Variants in TMEM184B observed in about 807,000 individuals in gnomAD.
TMEM184B encodes putative MAPK-activating protein FM08.
In TMEM184B, 17 loss-of-function variants were observed where a neutral mutation model predicts 41.8. The ratio of observed to expected loss-of-function variants is 0.41; its 90% CI spans 0.28 to 0.61. TMEM184B has a LOEUF of 0.61. Ranked by LOEUF, TMEM184B falls within the 20% of genes least tolerant of loss-of-function variation. The pLI, the probability that TMEM184B is intolerant of heterozygous loss-of-function variation, is 0.34. For missense variants in TMEM184B, 393 were observed against 557.8 expected (o/e 0.70, Z 2.98); for synonymous variants, 240 against 229.5 (o/e 1.05, Z -0.41).
At chr22:38,224,679 T>A (rs2091374254) in intron 8 of TMEM184B, 106 bp downstream of exon 8, 1 of 1,208,446 alleles carries the variant, frequency 8.3e-7, no homozygotes, top group African/African-American at 1.5e-5. Context: ...GGATCCCATG[T>A]CCTGACCCAG....
At chr22:38,234,013 C>T (rs1361486085) in intron 3 of TMEM184B, among the ~76,000 whole-genome samples, 1 of 119,796 alleles carries the variant, frequency 8.3e-6, no homozygotes, top group Non-Finnish European at 1.8e-5. Flanking sequence ...AGGTGATCCG[C>T]CCACCTCGGC....
At chr22:38,243,158 G>T (rs8141378) in intron 3 of TMEM184B, among the ~76,000 whole-genome samples, 1 of 151,942 alleles carries the variant, frequency 6.6e-6, no homozygotes, top group African/African-American at 2.4e-5. Context: ...AGGGATAATC[G>T]CGTTGCTAGG....
Position 38,224,769 on chromosome 22 carries a change from G to A in TMEM184B, c.982+16C>T, listed in dbSNP as rs1179944851. On this transcript the variant is annotated intron_variant, in intron 8 of 8. Transcript: ENST00000361906. Reference sequence around the variant, plus strand: ...TGCTTCTCCCAGCGGGGGTCGCCTAGGACCCTGGCTCATACCTTGTGCGTC... The same window carrying A: ...TGCTTCTCCCAGCGGGGGTCGCCTAAGACCCTGGCTCATACCTTGTGCGTC... 1.3e-6 allele frequency: 2 copies of A among 1,572,766 alleles called. No homozygotes were observed. The highest frequency in any genetic ancestry group is 2.3e-5 in the East Asian group (1 of 43,518).
At chr22:38,245,883 T>TGCCCGCCC in intron 3 of TMEM184B, 52 bp downstream of exon 3, 1 of 1,288,710 alleles carries the variant, frequency 7.8e-7, no homozygotes, top group Non-Finnish European at 1.1e-6. Flanking sequence ...GGACAGGGGC[T>TGCCCGCCC]CCCAGCCCCC....
In TMEM184B at chr22:38,239,107, T is replaced by C. The variant is rs1281103647; in HGVS notation, c.358+6828A>G. ...CAGCACTGTCTCAGAGTTGTCTTTATGGCCCACCCCCAACCCCACAATCAA... is the reference window on the plus strand; with the variant it reads ...CAGCACTGTCTCAGAGTTGTCTTTACGGCCCACCCCCAACCCCACAATCAA... On this transcript the variant is annotated intron_variant, in intron 3 of 8. Coordinates refer to ENST00000361906, the MANE Select transcript of TMEM184B (RefSeq NM_012264.5). This position sits in a 1 kb window ranked among gnomAD's most constrained non-coding sequence, Gnocchi z 4.6. 1.3e-5 allele frequency among the ~76,000 whole-genome samples: 2 copies of C among 152,204 alleles called. No homozygotes were observed. Among genetic ancestry groups the C allele is most frequent in the Admixed American group, 6.5e-5 (1 of 15,282 alleles).
At position 38,246,048 on chromosome 22, in the gene TMEM184B, A is replaced by C; in HGVS notation, c.245T>G (p.Val82Gly). Residue 82 changes from valine (V) to glycine (G), a missense_variant, in exon 3 of 9, where the codon GTG (valine) becomes GGG (glycine). By Grantham distance (109) the Val-to-Gly change is moderately radical (BLOSUM62 -3). Transcript: ENST00000361906. ...YSCPNEQRYIVRILFIVPIYA... is the reference protein window; with the variant it reads ...YSCPNEQRYIGRILFIVPIYA... The stretch of plus-strand genomic sequence containing the variant: ...GATGGGCACGATGAAGAGGATGCGC[A>C]CGATGTAGCGCTGCTCGTTGGGGCA... 6.2e-7 allele frequency: 1 copy of C among 1,613,430 alleles called. No homozygotes were observed. Among genetic ancestry groups the C allele is most frequent in the Non-Finnish European group, 8.5e-7 (1 of 1,180,016 alleles).
In TMEM184B at chr22:38,224,861, C is replaced by T. The variant is rs2091381426; in HGVS notation, c.906G>A (p.Glu302=). 3.1e-6 allele frequency: 5 copies of T among 1,613,880 alleles called. No homozygotes were observed. Among genetic ancestry groups the T allele is most frequent in the Non-Finnish European group, 4.2e-6 (5 of 1,179,996 alleles). ...AGYQDFIICV[E]MFFAALALRH... ...GCAGGGCCAGGGCTGCAAAGAACAT[C>T]TCCACACAGATGATGAAGTCCTGGT... is the stretch of plus-strand genomic sequence containing the variant. The change falls in exon 8 of 9, where the codon GAG becomes GAA. Residue 302 remains glutamate (E), a synonymous_variant. Transcript: ENST00000361906.
intron 1 of TMEM184B, among the ~76,000 whole-genome samples, chr22:38,252,207 G>A (rs1432892790): frequency 2.6e-5 from 4 of 152,058 alleles, no homozygotes; most frequent in Non-Finnish European, 5.9e-5. Flanking sequence ...CTACAGGCAT[G>A]AGCCACCATG....
chr22:38,251,024 G>C (rs538421707), intron 1 of TMEM184B, among the ~76,000 whole-genome samples: 1 of 152,156 alleles, frequency 6.6e-6, no homozygotes, highest in African/African-American at 2.4e-5. Flanking sequence ...CCTACAAAGT[G>C]GGGGGACCTA....
At chr22:38,243,191 G>A (rs541259651) in intron 3 of TMEM184B, among the ~76,000 whole-genome samples, 10 of 152,290 alleles carry the variant, frequency 6.6e-5, no homozygotes, top group East Asian at 1.9e-4. Flanking sequence ...CAGGGTGGCC[G>A]ACTTCCTGGA....
intron 1 of TMEM184B, among the ~76,000 whole-genome samples, chr22:38,270,461 G>A (rs2092506065): frequency 6.6e-6 from 1 of 152,226 alleles, no homozygotes; most frequent in African/African-American, 2.4e-5. Context: ...TGTTCCTATT[G>A]TCCTCTGGGC....
intron 1 of TMEM184B, among the ~76,000 whole-genome samples, chr22:38,257,439 C>T (rs373952784): frequency 3.2e-4 from 48 of 152,280 alleles, no homozygotes; most frequent in African/African-American, 1.1e-3. Context: ...GATGCGTCTG[C>T]TCCGTGTGCA....
intron 3 of TMEM184B, among the ~76,000 whole-genome samples, chr22:38,236,477 T>C (rs2091775991): frequency 6.6e-6 from 1 of 151,870 alleles, no homozygotes; most frequent in African/African-American, 2.4e-5. Flanking sequence ...ACGAAACCAT[T>C]TCCTTTTTTT....
In TMEM184B at chr22:38,267,667, A is replaced by G. The variant is rs571267511; in HGVS notation, c.-59+5217T>C. On this transcript the variant is annotated intron_variant, in intron 1 of 8. Coordinates refer to ENST00000361906, the MANE Select transcript of TMEM184B (RefSeq NM_012264.5). ...AGGCTGGTCTCCAATTCCTGAGCTC[A>G]AGTGATCTGCCCACCTCGGCCTCCC... Among the ~76,000 whole-genome samples, 26 of 152,138 alleles carry G rather than the reference A, an allele frequency of 1.7e-4. No homozygotes were observed. In the South Asian group the frequency reaches 4.8e-3, roughly 28 times the overall value.
chr22:38,248,088 G>A, intron 1 of TMEM184B, 69 bp from the exon 2 acceptor site: 1 of 1,454,796 alleles, frequency 6.9e-7, no homozygotes. Context: ...GAATCTTCCA[G>A]GTCTCTCCAC....
intron 1 of TMEM184B, among the ~76,000 whole-genome samples, chr22:38,248,641 G>A (rs972677325): frequency 3.9e-5 from 6 of 152,094 alleles, no homozygotes; most frequent in Non-Finnish European, 7.3e-5. Flanking sequence ...CGACTAACTC[G>A]ATTCACTCAT....
chr22:38,237,677 T>A (rs922088782), intron 3 of TMEM184B, among the ~76,000 whole-genome samples: 7 of 152,220 alleles, frequency 4.6e-5, no homozygotes, highest in Non-Finnish European at 1.0e-4. Context: ...TTTTCAGTGA[T>A]GGGTGATCAT....
chr22:38,230,636 CT>C (rs1569021427), intron 5 of TMEM184B, 32 bp downstream of exon 5: 2 of 1,594,332 alleles, frequency 1.3e-6, no homozygotes, highest in East Asian at 4.5e-5. Context: ...CGCCCTGCTC[CT>C]CCTGAGCTAG....
chr22:38,224,695 C>G (rs59711879), intron 8 of TMEM184B, 90 bp downstream of exon 8: 23,703 of 1,353,926 alleles, frequency 0.018, 586 homozygotes, highest in African/African-American at 0.1. Context: ...CCCAGCCGCA[C>G]CTGTAGGATG....
Sources: gnomAD v4.1 joint callset for allele counts (sites outside exome capture counted in the v4.1 genomes callset) on GRCh38, gnomAD v4.1.1 for gene constraint, Gnocchi (gnomAD v3.1) non-coding constraint, MANE v1.5 for transcripts, NCBI Gene and HGNC (gene_info 2026-07-23, HGNC 2026-07-21) for gene names.